The following CADPS variants were observed in gnomAD, a reference collection of about 807,000 sequenced individuals.
The protein encoded by CADPS is calcium dependent secretion activator.
In CADPS, 57 loss-of-function variants were observed where a neutral mutation model predicts 167.3. The ratio of observed to expected loss-of-function variants is 0.34; its 90% CI spans 0.28 to 0.42. The LOEUF (loss-of-function observed/expected upper bound fraction) is 0.42. CADPS is among the 20% of genes least tolerant of loss of function. CADPS has a pLI of 1.00. For synonymous variants in CADPS, 676 were observed against 635.3 expected (o/e 1.06, Z -0.96); for missense variants, 1,414 against 1,738.1 (o/e 0.81, Z 3.32).
chr3:62,443,811 A>G (rs1351874572), intron 27 of CADPS, among the ~76,000 whole-genome samples: 1 of 152,198 alleles, frequency 6.6e-6, no homozygotes, highest in Non-Finnish European at 1.5e-5. Context: ...TCTTCATAGT[A>G]GCATGAAAAT....
In CADPS at chr3:62,455,936, C is replaced by T. The variant is rs2058638930; in HGVS notation, c.3636+9431G>A. On this transcript the variant is annotated intron_variant, in intron 26 of 29. Coordinates refer to ENST00000383710, the MANE Select transcript of CADPS (RefSeq NM_003716.4). The surrounding 1 kb of genome is among the most constrained non-coding windows in gnomAD (Gnocchi z 4.4). Reference sequence around the variant, plus strand: ...GAATTTGAAGGTATAATTTATGTCACTGCTGCCAGTGACAACTTATCTATC... The same window carrying T: ...GAATTTGAAGGTATAATTTATGTCATTGCTGCCAGTGACAACTTATCTATC... 6.6e-6 allele frequency among the ~76,000 whole-genome samples: 1 copy of T among 152,198 alleles called. No individual in the cohort carries two copies. Among genetic ancestry groups the T allele is most frequent in the South Asian group, 2.1e-4 (1 of 4,836 alleles).
chr3:62,585,088 AC>A, intron 8 of CADPS, 96 bp downstream of exon 8: 1 of 1,150,214 alleles, frequency 8.7e-7, no homozygotes, highest in East Asian at 2.4e-5. Flanking sequence ...ATTTCCTTCT[AC>A]ATAGTTCTCT....
At chr3:62,463,596 G>A (rs1453036250) in intron 26 of CADPS, among the ~76,000 whole-genome samples, 7 of 152,126 alleles carry the variant, frequency 4.6e-5, no homozygotes, top group Non-Finnish European at 7.4e-5. Flanking sequence ...CTCTCTCCAG[G>A]AAGCCATTCA....
chr3:62,403,410 C>T, intron 28 of CADPS: 1 of 338,068 alleles, frequency 3.0e-6, no homozygotes, highest in South Asian at 1.0e-4. Flanking sequence ...ACAGTTAGGA[C>T]TTCGAATCTA....
In CADPS at chr3:62,465,602, T is replaced by C; in HGVS notation, c.3553-152A>G. The C allele has an allele frequency of 1.9e-6, 1 of 526,882 alleles. No homozygotes were observed. The highest frequency in any genetic ancestry group is 1.9e-5 in the African/African-American group (1 of 52,188). 32.6% of individuals were successfully genotyped at this position (526,882 alleles called of 1,614,324 possible). A position where few individuals can be genotyped will look rare whatever the true frequency, so the allele number is the denominator to read the frequency against. ...TGATTCCCGCCTTCGGAGAAAGGAA[T>C]AGACTGCCTTTACATAGAAATATTT... On this transcript the variant is annotated intron_variant, in intron 25 of 29. Transcript: ENST00000383710. This position sits in a 1 kb window ranked among gnomAD's most constrained non-coding sequence, Gnocchi z 4.1.
At chr3:62,592,119 C>T (rs1373219623) in intron 7 of CADPS, among the ~76,000 whole-genome samples, 4 of 152,206 alleles carry the variant, frequency 2.6e-5, no homozygotes, top group African/African-American at 9.6e-5. Context: ...CATACATCCA[C>T]ACCCCACAGT....
chr3:62,793,365 G>A (rs917111254), intron 1 of CADPS, among the ~76,000 whole-genome samples: 5 of 152,132 alleles, frequency 3.3e-5, no homozygotes, highest in Non-Finnish European at 5.9e-5. Context: ...CAGTTTCAGC[G>A]GTGCTGTTGA....
intron 3 of CADPS, among the ~76,000 whole-genome samples, chr3:62,683,430 T>G (rs1055110901): frequency 2.6e-5 from 4 of 152,060 alleles, no homozygotes; most frequent in Admixed American, 2.6e-4. Context: ...TACAATTCTG[T>G]AAGAAAGGTT....
chr3:62,542,759 A>T (rs185790159), intron 11 of CADPS, among the ~76,000 whole-genome samples: 1 of 152,168 alleles, frequency 6.6e-6, no homozygotes, highest in Non-Finnish European at 1.5e-5. Context: ...CCCCAAAAGG[A>T]TAAGTGTGTG....
chr3:62,663,900 A>G (rs569185677), intron 3 of CADPS, among the ~76,000 whole-genome samples: 3 of 152,178 alleles, frequency 2.0e-5, no homozygotes, highest in Admixed American at 6.5e-5. Flanking sequence ...CTGGATTGCA[A>G]CATTTGGCTA....
intron 28 of CADPS, among the ~76,000 whole-genome samples, chr3:62,435,831 T>C (rs1388786755): frequency 1.3e-5 from 2 of 152,174 alleles, no homozygotes; most frequent in Admixed American, 1.3e-4. Context: ...ATGTTACTGA[T>C]GCTATTTTAT....
chr3:62,867,051 T>C (rs980198558), intron 1 of CADPS, among the ~76,000 whole-genome samples: 12 of 152,092 alleles, frequency 7.9e-5, no homozygotes, highest in Non-Finnish European at 1.6e-4. Flanking sequence ...CATATATATA[T>C]ATGCTTAGAA....
At chr3:62,589,089 AG>A (rs2085338138) in intron 7 of CADPS, among the ~76,000 whole-genome samples, 3 of 152,344 alleles carry the variant, frequency 2.0e-5, no homozygotes, top group East Asian at 3.9e-4. Context: ...TTAATTAAAA[AG>A]GTTATTAAAA....
In CADPS at chr3:62,465,126, T is replaced by C. The variant is rs1382420398; in HGVS notation, c.3636+241A>G. Among the ~76,000 whole-genome samples the C allele has an allele frequency of 1.3e-5, 2 of 152,190 alleles. No homozygotes were observed. Among genetic ancestry groups the C allele is most frequent in the Non-Finnish European group, 2.9e-5 (2 of 68,014 alleles). On this transcript the variant is annotated intron_variant, in intron 26 of 29. Transcript: ENST00000383710. This position sits in a 1 kb window ranked among gnomAD's most constrained non-coding sequence, Gnocchi z 4.1. ...CTCTGGATGCATACAAATAGCAATGTGTGTGTGTGTTCATAAAAAATACAC... is the reference window on the plus strand; with the variant it reads ...CTCTGGATGCATACAAATAGCAATGCGTGTGTGTGTTCATAAAAAATACAC...
At chr3:62,652,928 G>A (rs1358326519) in intron 4 of CADPS, among the ~76,000 whole-genome samples, 2 of 152,084 alleles carry the variant, frequency 1.3e-5, no homozygotes, top group African/African-American at 4.8e-5. Context: ...AGTCAAATAC[G>A]GAGAGTGCTT....
rs1579387998 is a variant in CADPS, at chr3:62,639,948, C to A, written c.1325+5774G>T. ...CCCCACTACTTTCTATCACAGCAGCCTGCTCATTTCTTTCAGAACACAAAT... is the reference window on the plus strand; with the variant it reads ...CCCCACTACTTTCTATCACAGCAGCATGCTCATTTCTTTCAGAACACAAAT... On this transcript the variant is annotated intron_variant, in intron 6 of 29. Coordinates refer to ENST00000383710, the MANE Select transcript of CADPS (RefSeq NM_003716.4). Among the ~76,000 whole-genome samples the A allele has an allele frequency of 1.3e-5, 2 of 152,260 alleles. 1 individual carries two copies. Among genetic ancestry groups the A allele is most frequent in the East Asian group, 3.9e-4 (2 of 5,188 alleles).
At chr3:62,735,595 C>T (rs897744566) in intron 3 of CADPS, among the ~76,000 whole-genome samples, 1 of 152,170 alleles carries the variant, frequency 6.6e-6, no homozygotes, top group Admixed American at 6.5e-5. Context: ...AATCCCTCAA[C>T]CCCTACAAGA....
chr3:62,692,558 T>C (rs2079367713), intron 3 of CADPS, among the ~76,000 whole-genome samples: 1 of 152,062 alleles, frequency 6.6e-6, no homozygotes. Flanking sequence ...TGGAAATCCA[T>C]AAACCTACAT....
chr3:62,617,980 T>C (rs1422461946), intron 6 of CADPS, among the ~76,000 whole-genome samples: 1 of 152,092 alleles, frequency 6.6e-6, no homozygotes, highest in Non-Finnish European at 1.5e-5. Flanking sequence ...ATGGTTTGGG[T>C]GAAGGTGACC....
Sources: allele counts gnomAD v4.1 joint callset (sites outside exome capture counted in the v4.1 genomes callset), GRCh38; gene constraint gnomAD v4.1.1; non-coding constraint Gnocchi (gnomAD v3.1); transcripts MANE v1.5; gene names NCBI Gene and HGNC (gene_info 2026-07-23, HGNC 2026-07-21).